MYT1: variants seen among roughly 807,000 people sequenced by gnomAD.
MYT1 encodes the protein myelin transcription factor 1.
In MYT1, 23 loss-of-function variants were observed where a neutral mutation model predicts 123.0. That is an observed-to-expected ratio of 0.19 (90% CI 0.13 to 0.26). MYT1 has a LOEUF of 0.26. Among genes scored for constraint, MYT1 ranks in the 10% least tolerant of loss-of-function variants. The pLI is 1.00. For missense variants in MYT1, 1,125 were observed against 1,472.5 expected (o/e 0.76, Z 3.86); for synonymous variants, 518 against 575.3 (o/e 0.90, Z 1.43).
chr20:64,236,795 C>A, intron 20 of MYT1, 149 bp downstream of exon 20: 2 of 690,526 alleles, frequency 2.9e-6, no homozygotes, highest in Non-Finnish European at 5.0e-6. Context: ...TTCACCTAAG[C>A]TGACAGCCTT....
In MYT1 at chr20:64,231,775, A is replaced by C. The variant is rs549435559; in HGVS notation, c.2676-389A>C. Among the ~76,000 whole-genome samples the C allele has an allele frequency of 6.6e-6, 1 of 152,206 alleles. No homozygotes were observed. The highest frequency in any genetic ancestry group is 1.9e-4 in the East Asian group (1 of 5,174). Reference sequence around the variant, plus strand: ...TGCAAGCTCCCAGGGAGTGGCCTCTAGGTGGTCTCAGCTGACAACATGGCT... The same window carrying C: ...TGCAAGCTCCCAGGGAGTGGCCTCTCGGTGGTCTCAGCTGACAACATGGCT... On this transcript the variant is annotated intron_variant, in intron 18 of 22. Coordinates refer to ENST00000328439, the MANE Select transcript of MYT1 (RefSeq NM_004535.3). The surrounding 1 kb of genome is among the most constrained non-coding windows in gnomAD (Gnocchi z 6.4).
chr20:64,223,602 G>A (rs73916736), intron 16 of MYT1, among the ~76,000 whole-genome samples: 3,424 of 152,080 alleles, frequency 0.023, 146 homozygotes, highest in African/African-American at 0.078. Flanking sequence ...GCTAGGGGTC[G>A]CTGCAGGCTC....
chr20:64,227,758 C>T (rs888655718), intron 17 of MYT1, 130 bp from the exon 18 acceptor site: 4 of 829,176 alleles, frequency 4.8e-6, no homozygotes, highest in Admixed American at 2.8e-5. Context: ...ACAACTGACC[C>T]ATCGGTTGCC....
Position 64,205,143 on chromosome 20 carries a change from T to A in MYT1, c.149+46T>A, listed in dbSNP as rs760055124. 7 of 1,598,520 alleles carry A rather than the reference T, an allele frequency of 4.4e-6. No homozygotes were observed. The South Asian group carries it at 7.7e-5, about 18-fold the overall frequency. On this transcript the variant is annotated intron_variant, in intron 5 of 22. Coordinates refer to ENST00000328439, the MANE Select transcript of MYT1 (RefSeq NM_004535.3). ...CACGGAGATTCCTGGGCGGTAGATT[T>A]GGAGCCCCTGCCCACTCTGCAGATG...
chr20:64,184,169 A>G (rs1379235615), intron 1 of MYT1, among the ~76,000 whole-genome samples: 1 of 152,108 alleles, frequency 6.6e-6, no homozygotes, highest in East Asian at 1.9e-4. Flanking sequence ...GAAGTCCAAT[A>G]TATTACTTTT....
chr20:64,191,499 A>T lies in MYT1; in HGVS notation c.-1+1339A>T, dbSNP rs1057109927. ...TTTTTGCATGTAGATGCTCTCCAGC[A>T]AGGATCCAGCTGTGACTCAGGGCAT... On this transcript the variant is annotated intron_variant, in intron 2 of 22. Transcript: ENST00000328439. The surrounding 1 kb of genome is among the most constrained non-coding windows in gnomAD (Gnocchi z 4.1). The T allele has an allele frequency of 1.3e-5, 2 of 152,276 alleles. No individual in the cohort carries two copies. The highest frequency in any genetic ancestry group is 4.8e-5 in the African/African-American group (2 of 41,450). The allele number at this position is 152,276 out of a possible 1,614,324, so 9.4% of individuals were successfully genotyped here.
intron 16 of MYT1, among the ~76,000 whole-genome samples, chr20:64,226,124 C>T (rs1488030899): frequency 6.6e-6 from 1 of 152,196 alleles, no homozygotes; most frequent in East Asian, 1.9e-4. Flanking sequence ...GCCACTTGAA[C>T]AGCTGCCAAC....
At chr20:64,195,738 G>T (rs1983100520) in intron 2 of MYT1, among the ~76,000 whole-genome samples, 1 of 152,078 alleles carries the variant, frequency 6.6e-6, no homozygotes, top group South Asian at 2.1e-4. Context: ...GATTAATCCT[G>T]ACTTTACTAA....
chr20:64,206,988 T>C (rs1983503339), intron 6 of MYT1, among the ~76,000 whole-genome samples: 1 of 152,072 alleles, frequency 6.6e-6, no homozygotes, highest in African/African-American at 2.4e-5. Context: ...TTTACTGCAA[T>C]CTCCTCCTCC....
At chr20:64,216,251 C>A (rs980988332) in intron 10 of MYT1, among the ~76,000 whole-genome samples, 1 of 152,238 alleles carries the variant, frequency 6.6e-6, no homozygotes, top group South Asian at 2.1e-4. Flanking sequence ...TGGCTGCTTG[C>A]CAGGATCTCC....
intron 21 of MYT1, among the ~76,000 whole-genome samples, chr20:64,239,537 C>T (rs1984651011): frequency 6.6e-6 from 1 of 152,130 alleles, no homozygotes; most frequent in South Asian, 2.1e-4. Flanking sequence ...CCCTTCCTGG[C>T]TTCCCTGGAG....
chr20:64,180,064 C>T (rs1017487908), intron 1 of MYT1, among the ~76,000 whole-genome samples: 2 of 151,352 alleles, frequency 1.3e-5, no homozygotes, highest in Admixed American at 6.6e-5. Flanking sequence ...AGTTACACAC[C>T]ACACGCAGTT....
At chr20:64,169,586 C>G (rs1210903828) in intron 1 of MYT1, among the ~76,000 whole-genome samples, 1 of 152,152 alleles carries the variant, frequency 6.6e-6, no homozygotes, top group Non-Finnish European at 1.5e-5. Context: ...GAGCAGCCTC[C>G]CAGTTACTGC....
chr20:64,193,934 G>A lies in MYT1; in HGVS notation c.-1+3774G>A, dbSNP rs1418142216. On this transcript the variant is annotated intron_variant, in intron 2 of 22. Transcript: ENST00000328439. This position sits in a 1 kb window ranked among gnomAD's most constrained non-coding sequence, Gnocchi z 4.0. ...CTACCGTGTCTCCTTCTCTGGCCCA[G>A]CGCTGGGGTGAATGGCCCCCGTGGT... Among the ~76,000 whole-genome samples, 6 of 152,118 alleles carry A rather than the reference G, an allele frequency of 3.9e-5. No homozygotes were observed. Among genetic ancestry groups the A allele is most frequent in the African/African-American group, 1.4e-4 (6 of 41,400 alleles).
chr20:64,239,906 A>G lies in MYT1; in HGVS notation c.3237+3A>G, dbSNP rs746418328. 1 of 1,611,944 alleles carries G rather than the reference A, an allele frequency of 6.2e-7. No homozygotes were observed. The highest frequency in any genetic ancestry group is 1.1e-5 in the South Asian group (1 of 91,086). On this transcript the variant is annotated splice_donor_region_variant and intron_variant, in intron 22 of 22. Transcript: ENST00000328439. ...CCAATATCCGCCTTCCGCACATGGT[A>G]GGCAGCACGCGGGCCTGCCGGCACC...
At position 64,231,727 on chromosome 20, in the gene MYT1, T is replaced by C. The variant is rs529171992; in HGVS notation, c.2676-437T>C. On this transcript the variant is annotated intron_variant, in intron 18 of 22. Coordinates refer to ENST00000328439, the MANE Select transcript of MYT1 (RefSeq NM_004535.3). This position sits in a 1 kb window ranked among gnomAD's most constrained non-coding sequence, Gnocchi z 6.4. ...GACCTTGTCATTCTTTTGTGATCCATAGGCCCCCAGGCCTATGCTTGATGC... is the reference window on the plus strand; with the variant it reads ...GACCTTGTCATTCTTTTGTGATCCACAGGCCCCCAGGCCTATGCTTGATGC... 6.6e-6 allele frequency among the ~76,000 whole-genome samples: 1 copy of C among 152,216 alleles called. No individual in the cohort carries two copies. Among genetic ancestry groups the C allele is most frequent in the South Asian group, 2.1e-4 (1 of 4,804 alleles).
At chr20:64,206,541 C>T (rs1299932010) in intron 6 of MYT1, among the ~76,000 whole-genome samples, 3 of 152,230 alleles carry the variant, frequency 2.0e-5, no homozygotes, top group South Asian at 2.1e-4. Flanking sequence ...GGTCCACTCC[C>T]CCCACCATCC....
intron 1 of MYT1, among the ~76,000 whole-genome samples, chr20:64,179,938 CACACAGTT>C (rs1385117661): frequency 4.8e-5 from 1 of 20,620 alleles, no homozygotes; most frequent in Admixed American, 7.1e-4. Context: ...ACATGCTACA[CACACAGTT>C]ACACATTTGC....
rs1004919575 is a variant in MYT1, at chr20:64,203,467, C to T, written c.87-1568C>T. ...CAACTCCCTCAGTTTGGAAAGGGAG[C>T]CCCCAGTCGAGTGTGGTGTGCCCTC... On this transcript the variant is annotated intron_variant, in intron 4 of 22. Transcript: ENST00000328439. The surrounding 1 kb of genome is among the most constrained non-coding windows in gnomAD (Gnocchi z 5.1). Among the ~76,000 whole-genome samples the T allele has an allele frequency of 6.6e-6, 1 of 152,122 alleles. No individual in the cohort carries two copies. The highest frequency in any genetic ancestry group is 1.9e-4 in the East Asian group (1 of 5,200).
Sources: allele counts gnomAD v4.1 joint callset (sites outside exome capture counted in the v4.1 genomes callset), GRCh38; gene constraint gnomAD v4.1.1; non-coding constraint Gnocchi (gnomAD v3.1); transcripts MANE v1.5; gene names NCBI Gene and HGNC (gene_info 2026-07-23, HGNC 2026-07-21).